B4GALT2: variants seen among roughly 807,000 people sequenced by gnomAD.
The protein encoded by B4GALT2 is N-acetyllactosamine synthase.
B4GALT2 carries 18 observed loss-of-function variants against 33.2 expected under a neutral mutation model. That is an observed-to-expected ratio of 0.54 (90% CI 0.38 to 0.80). B4GALT2 has a LOEUF of 0.80. Among genes scored for constraint, B4GALT2 ranks in the 30% least tolerant of loss-of-function variants. The probability of loss-of-function intolerance (pLI) is 0.00; values close to 1 mark genes in which losing one functional copy is unlikely to be tolerated. For synonymous variants in B4GALT2, 214 were observed against 217.6 expected (o/e 0.98, Z 0.15); for missense variants, 404 against 526.2 (o/e 0.77, Z 2.27).
intron 6 of B4GALT2, among the ~76,000 whole-genome samples, chr1:43,989,117 C>T (rs1173611466): frequency 1.3e-5 from 2 of 152,102 alleles, no homozygotes; most frequent in Middle Eastern, 3.4e-3. Context: ...GTAGTCAAGG[C>T]GGGTGGATCA....
Position 43,990,373 on chromosome 1 carries a change from G to A in B4GALT2, c.1044G>A (p.Glu348=). The change falls in exon 7 of 7, where the codon GAG becomes GAA. Residue 348 remains glutamate (E), a synonymous_variant. Transcript: ENST00000372324. Reference sequence around the variant, plus strand: ...GGTCAGTGCGGTACCAGGTCTTGGAGGTGTCTCGGCAACCACTCTTCACCA... The same window carrying A: ...GGTCAGTGCGGTACCAGGTCTTGGAAGTGTCTCGGCAACCACTCTTCACCA... ...GIGSVRYQVL[E]VSRQPLFTNI... is the part of the protein sequence containing the mutation. The A allele has an allele frequency of 6.2e-7, 1 of 1,614,198 alleles. No individual in the cohort carries two copies. Among genetic ancestry groups the A allele is most frequent in the South Asian group, 1.1e-5 (1 of 91,070 alleles).
At chr1:43,988,356 CAAA>C (rs59935883) in intron 6 of B4GALT2, among the ~76,000 whole-genome samples, 3 of 73,716 alleles carry the variant, frequency 4.1e-5, no homozygotes, top group Non-Finnish European at 3.2e-5. Context: ...ACCAAAAATA[CAAA>C]AAAAAAAAAA....
intron 3 of B4GALT2, among the ~76,000 whole-genome samples, chr1:43,983,288 G>A (rs961320062): frequency 1.3e-5 from 2 of 152,206 alleles, no homozygotes; most frequent in Admixed American, 6.5e-5. Flanking sequence ...AGGGAGCAAG[G>A]GGCATGAGAG....
chr1:43,986,713 C>A (rs919404829), intron 6 of B4GALT2, among the ~76,000 whole-genome samples: 2 of 152,172 alleles, frequency 1.3e-5, no homozygotes, highest in Admixed American at 6.5e-5. Flanking sequence ...GGGAGGTTAA[C>A]TTTTGTCCCA....
Position 43,981,341 on chromosome 1 carries a change from A to G in B4GALT2, c.181A>G (p.Ser61Gly), listed in dbSNP as rs1480249828. The G allele has an allele frequency of 1.2e-6, 2 of 1,600,118 alleles. No homozygotes were observed. Among genetic ancestry groups the G allele is most frequent in the Non-Finnish European group, 1.7e-6 (2 of 1,179,796 alleles). The change falls in exon 2 of 7, where the codon AGC becomes GGC. Residue 61 changes from serine (S) to glycine (G), a missense_variant. Ser to Gly is a moderately conservative substitution (Grantham distance 56). Transcript: ENST00000372324. The surrounding 1 kb of genome is among the most constrained non-coding windows in gnomAD (Gnocchi z 8.1). ...AHALHPAASS[S>G]SSSSNCSRPN... The stretch of plus-strand genomic sequence containing the variant: ...TGCCCTCCACCCAGCTGCTAGCAGC[A>G]GCAGCAGCAGCAGCAACTGCTCCCG...
At position 43,981,057 on chromosome 1, in the gene B4GALT2, T is replaced by G; in HGVS notation, c.-52-52T>G. The G allele has an allele frequency of 6.8e-7, 1 of 1,480,532 alleles. No individual in the cohort carries two copies. Among genetic ancestry groups the G allele is most frequent in the Non-Finnish European group, 9.0e-7 (1 of 1,115,004 alleles). The allele number at this position is 1,480,532 out of a possible 1,614,324, so 91.7% of individuals were successfully genotyped here. On this transcript the variant is annotated intron_variant, in intron 1 of 6. Transcript: ENST00000372324. The surrounding 1 kb of genome is among the most constrained non-coding windows in gnomAD (Gnocchi z 8.1). ...CTGAGTGGGAGGTAGGTGGGCAGCC[T>G]TGCCTGTCCTGCCCTGACCTGCTGG...
Position 43,981,307 on chromosome 1 carries a change from C to G in B4GALT2, c.147C>G (p.Gly49=). The change falls in exon 2 of 7, where the codon GGC becomes GGG. Residue 49 remains glycine, a synonymous_variant. Transcript: ENST00000372324. The surrounding 1 kb of genome is among the most constrained non-coding windows in gnomAD (Gnocchi z 8.1). ...LAFFSRFSAR[G]PAHALHPAAS... is the part of the protein sequence containing the mutation. ...TCTTCAGCCGCTTCAGTGCCCGAGG[C>G]CCTGCCCATGCCCTCCACCCAGCTG... is the stretch of plus-strand genomic sequence containing the variant. The G allele has an allele frequency of 6.2e-7, 1 of 1,604,152 alleles. No individual in the cohort carries two copies. The highest frequency in any genetic ancestry group is 8.5e-7 in the Non-Finnish European group (1 of 1,179,880).
chr1:43,989,936 GGCAGTTAGA>G (rs1458429626), intron 6 of B4GALT2, among the ~76,000 whole-genome samples: 3 of 152,130 alleles, frequency 2.0e-5, no homozygotes, highest in African/African-American at 7.2e-5. Flanking sequence ...AAATCCTCGC[GGCAGTTAGA>G]GCATAGTCTC....
intron 6 of B4GALT2, chr1:43,985,968 T>C (rs2085654849): frequency 6.1e-6 from 2 of 329,886 alleles, no homozygotes; most frequent in Admixed American, 4.5e-5. Context: ...CTTGTGCACC[T>C]GTGGGACCCC....
Position 43,981,658 on chromosome 1 carries a change from G to T in B4GALT2, c.314-31G>T. 1 of 1,580,060 alleles carries T rather than the reference G, an allele frequency of 6.3e-7. No individual in the cohort carries two copies. The highest frequency in any genetic ancestry group is 8.6e-7 in the Non-Finnish European group (1 of 1,159,646). ...CTGGTATCTGTGGATTCTGGCCAAT[G>T]CCCTGATTCCTGACACTGTCCTGTC... On this transcript the variant is annotated intron_variant, in intron 2 of 6. Coordinates refer to ENST00000372324, the MANE Select transcript of B4GALT2 (RefSeq NM_003780.5). The surrounding 1 kb of genome is among the most constrained non-coding windows in gnomAD (Gnocchi z 8.1).
In B4GALT2 at chr1:43,990,798, T is replaced by C; in HGVS notation, c.*350T>C. ...CTCTCTGTGCCTCAGTTTCCCCCCC[T>C]TGAGTCCCCTAGGGCCTGGAAGGGT... On this transcript the variant is annotated 3_prime_UTR_variant, in exon 7 of 7. Transcript: ENST00000372324. 3.4e-6 allele frequency: 1 copy of C among 293,968 alleles called. No homozygotes were observed. The allele number at this position is 293,968 out of a possible 1,614,324, so 18.2% of individuals were successfully genotyped here. A position where few individuals can be genotyped will look rare whatever the true frequency, so the allele number is the denominator to read the frequency against.
chr1:43,981,307 C>A lies in B4GALT2; in HGVS notation c.147C>A (p.Gly49=). 1 of 1,604,152 alleles carries A rather than the reference C, an allele frequency of 6.2e-7. No homozygotes were observed. The highest frequency in any genetic ancestry group is 2.2e-5 in the East Asian group (1 of 44,866). The change falls in exon 2 of 7, where the codon GGC becomes GGA. Residue 49 remains glycine, a synonymous_variant. Transcript: ENST00000372324. The surrounding 1 kb of genome is among the most constrained non-coding windows in gnomAD (Gnocchi z 8.1). ...TCTTCAGCCGCTTCAGTGCCCGAGG[C>A]CCTGCCCATGCCCTCCACCCAGCTG... is the stretch of plus-strand genomic sequence containing the variant. ...LAFFSRFSAR[G]PAHALHPAAS...
At position 43,985,639 on chromosome 1, in the gene B4GALT2, A is replaced by C. The variant is rs759752050; in HGVS notation, c.968+18A>C. 1.1e-5 allele frequency: 18 copies of C among 1,611,378 alleles called. No individual in the cohort carries two copies. In the Admixed American group the frequency reaches 3.0e-4, roughly 27 times the overall value. ...CCTCAGAGGTGACCCCAGCACCCTCACCCCTTACTCCCCAGAGGCAACTTC... is the reference window on the plus strand; with the variant it reads ...CCTCAGAGGTGACCCCAGCACCCTCCCCCCTTACTCCCCAGAGGCAACTTC... On this transcript the variant is annotated intron_variant, in intron 6 of 6. Transcript: ENST00000372324.
Position 43,982,968 on chromosome 1 carries a change from C to T in B4GALT2, c.549+1044C>T, listed in dbSNP as rs758678684. On this transcript the variant is annotated intron_variant, in intron 3 of 6. Coordinates refer to ENST00000372324, the MANE Select transcript of B4GALT2 (RefSeq NM_003780.5). This position sits in a 1 kb window ranked among gnomAD's most constrained non-coding sequence, Gnocchi z 4.3. ...TCGCGGGGAAGAAGTGGGGTTGTTA[C>T]GCAAGTAGTGGAGAGTGAGAAAAGA... 6.6e-5 allele frequency among the ~76,000 whole-genome samples: 10 copies of T among 152,014 alleles called. No individual in the cohort carries two copies. Among genetic ancestry groups the T allele is most frequent in the Non-Finnish European group, 7.4e-5 (5 of 68,004 alleles).
chr1:43,981,999 C>T lies in B4GALT2; in HGVS notation c.549+75C>T, dbSNP rs569658660. ...GGGCGTTTGTGGGTCCTTGTCTGCCCGTGTGGATATGTGGATGGACCTGGG... is the reference window on the plus strand; with the variant it reads ...GGGCGTTTGTGGGTCCTTGTCTGCCTGTGTGGATATGTGGATGGACCTGGG... On this transcript the variant is annotated intron_variant, in intron 3 of 6. Transcript: ENST00000372324. This position sits in a 1 kb window ranked among gnomAD's most constrained non-coding sequence, Gnocchi z 8.1. 19 of 1,452,098 alleles carry T rather than the reference C, an allele frequency of 1.3e-5. No individual in the cohort carries two copies. The African/African-American group carries it at 2.0e-4, about 15-fold the overall frequency. The allele number at this position is 1,452,098 out of a possible 1,614,324, so 90.0% of individuals were successfully genotyped here.
At chr1:43,987,255 G>A (rs2154303371) in intron 6 of B4GALT2, among the ~76,000 whole-genome samples, 1 of 152,180 alleles carries the variant, frequency 6.6e-6, no homozygotes, top group South Asian at 2.1e-4. Flanking sequence ...TGGCAAGATA[G>A]CAAGAAGTTT....
rs530511459 is a variant in B4GALT2 at position 43,984,249 on chromosome 1, G to A, written c.550-616G>A. Among the ~76,000 whole-genome samples the A allele has an allele frequency of 7.9e-5, 12 of 152,374 alleles. No individual in the cohort carries two copies. The East Asian group carries it at 1.2e-3, about 15-fold the overall frequency. ...GGTCTCAGAGGCTGCCCAGGCAGCC[G>A]GATGCAGCTCCAGGGAGCCTGAGGC... On this transcript the variant is annotated intron_variant, in intron 3 of 6. Coordinates refer to ENST00000372324, the MANE Select transcript of B4GALT2 (RefSeq NM_003780.5). This position sits in a 1 kb window ranked among gnomAD's most constrained non-coding sequence, Gnocchi z 5.6.
At position 43,979,860 on chromosome 1, in the gene B4GALT2, C is replaced by A. The variant is rs1362946858; in HGVS notation, c.-53+349C>A. 1.3e-6 allele frequency: 1 copy of A among 798,838 alleles called. No homozygotes were observed. Among genetic ancestry groups the A allele is most frequent in the Non-Finnish European group, 2.0e-6 (1 of 507,712 alleles). 49.5% of individuals were successfully genotyped at this position (798,838 alleles called of 1,614,324 possible). On this transcript the variant is annotated intron_variant, in intron 1 of 6. Transcript: ENST00000372324. The surrounding 1 kb of genome is among the most constrained non-coding windows in gnomAD (Gnocchi z 4.8). ...CACCCACCCGGTCTGTGCGGCCTGC[C>A]CGTCCGCGGGTGCCACGTGTTCAGC...
At position 43,980,084 on chromosome 1, in the gene B4GALT2, G is replaced by C. The variant is rs771120287; in HGVS notation, c.-53+573G>C. The C allele has an allele frequency of 2.0e-6, 3 of 1,468,396 alleles. No homozygotes were observed. The South Asian group carries it at 4.0e-5, about 19-fold the overall frequency. 91.0% of individuals were successfully genotyped at this position (1,468,396 alleles called of 1,614,324 possible). On this transcript the variant is annotated intron_variant, in intron 1 of 6. Transcript: ENST00000372324. ...CTTAGTGTGTTACTGTCACCCGGGT[G>C]TGTCTGTGACTGTAGTTCTCTGTGT...
Sources: gnomAD v4.1 joint callset for allele counts (sites outside exome capture counted in the v4.1 genomes callset) on GRCh38, gnomAD v4.1.1 for gene constraint, Gnocchi (gnomAD v3.1) non-coding constraint, MANE v1.5 for transcripts, NCBI Gene and HGNC (gene_info 2026-07-23, HGNC 2026-07-21) for gene names.